Variants in ALK observed in about 807,000 individuals in gnomAD.
The protein encoded by ALK is ALK tyrosine kinase receptor.
Under a neutral mutation model 163.1 loss-of-function variants are expected in ALK, and 74 were observed. That is an observed-to-expected ratio of 0.45 (90% CI 0.38 to 0.55). The LOEUF is 0.55. Ranked by LOEUF, ALK falls within the 20% of genes least tolerant of loss-of-function variation. ALK has a pLI of 0.00. For missense variants in ALK, 2,063 were observed against 2,105.3 expected (o/e 0.98, Z 0.39); for synonymous variants, 960 against 843.2 (o/e 1.14, Z -2.40).
At chr2:29,411,976 T>G (rs756011136) in intron 4 of ALK, among the ~76,000 whole-genome samples, 1 of 152,204 alleles carries the variant, frequency 6.6e-6, no homozygotes, top group African/African-American at 2.4e-5. Context: ...CTTGATGCAG[T>G]CTTAGATGTT....
At chr2:29,348,627 C>T (rs146607642) in intron 5 of ALK, among the ~76,000 whole-genome samples, 1 of 152,270 alleles carries the variant, frequency 6.6e-6, no homozygotes, top group East Asian at 1.9e-4. Flanking sequence ...GCTCACAGCT[C>T]GTATGGTAAG....
intron 2 of ALK, among the ~76,000 whole-genome samples, chr2:29,708,588 G>A: frequency 6.6e-6 from 1 of 152,128 alleles, no homozygotes; most frequent in East Asian, 1.9e-4. Context: ...AACTCTGCTG[G>A]GCTGGAAACC....
At chr2:29,863,302 A>G (rs1157973016) in intron 1 of ALK, among the ~76,000 whole-genome samples, 1 of 152,236 alleles carries the variant, frequency 6.6e-6, no homozygotes, top group Non-Finnish European at 1.5e-5. Flanking sequence ...GCTTCTACAC[A>G]GTGAAAGAAA....
chr2:29,572,141 G>A (rs1249111114), intron 3 of ALK, among the ~76,000 whole-genome samples: 1 of 152,184 alleles, frequency 6.6e-6, no homozygotes, highest in Non-Finnish European at 1.5e-5. Flanking sequence ...GGCCTGTGTT[G>A]AGTATCATTT....
At chr2:29,678,383 CTT>C (rs1339453500) in intron 3 of ALK, among the ~76,000 whole-genome samples, 1 of 151,610 alleles carries the variant, frequency 6.6e-6, no homozygotes, top group African/African-American at 2.4e-5. Flanking sequence ...AAAATAAAAA[CTT>C]AGGTTATAGA....
intron 4 of ALK, among the ~76,000 whole-genome samples, chr2:29,439,766 T>C (rs1332983902): frequency 2.0e-5 from 3 of 151,300 alleles, no homozygotes; most frequent in Non-Finnish European, 2.9e-5. Flanking sequence ...GGGAGGGATG[T>C]GGCTGCAAGG....
At chr2:29,431,809 C>G (rs1166711956) in intron 4 of ALK, among the ~76,000 whole-genome samples, 1 of 152,078 alleles carries the variant, frequency 6.6e-6, no homozygotes. Flanking sequence ...AAAGGTTCCA[C>G]AAAACAAATA....
At chr2:29,223,601 C>T (rs1669871070) in intron 19 of ALK, 73 bp from the exon 20 acceptor site, 3 of 1,485,804 alleles carry the variant, frequency 2.0e-6, no homozygotes, top group South Asian at 2.3e-5. Flanking sequence ...CCACTTCCTA[C>T]AGGAAGCCTC....
At chr2:29,534,135 T>A (rs1490201532) in intron 3 of ALK, among the ~76,000 whole-genome samples, 1 of 151,682 alleles carries the variant, frequency 6.6e-6, no homozygotes, top group African/African-American at 2.4e-5. Context: ...ATTTCCAGCT[T>A]CATTTTGTGG....
At chr2:29,874,482 A>T (rs958589201) in intron 1 of ALK, among the ~76,000 whole-genome samples, 3 of 152,170 alleles carry the variant, frequency 2.0e-5, no homozygotes, top group African/African-American at 4.8e-5. Flanking sequence ...CTAGTGCTGG[A>T]ACCCTTACCT....
chr2:29,552,300 T>C (rs1673733740), intron 3 of ALK, among the ~76,000 whole-genome samples: 1 of 152,228 alleles, frequency 6.6e-6, no homozygotes, highest in Non-Finnish European at 1.5e-5. Context: ...TAAATGATAT[T>C]GCCATGAATG....
intron 2 of ALK, among the ~76,000 whole-genome samples, chr2:29,706,679 C>G (rs906113851): frequency 1.3e-5 from 2 of 152,144 alleles, no homozygotes; most frequent in African/African-American, 2.4e-5. Flanking sequence ...GTGGGAGATA[C>G]ACACGGAAAG....
chr2:29,583,111 T>G (rs2148200154), intron 3 of ALK, among the ~76,000 whole-genome samples: 2 of 149,862 alleles, frequency 1.3e-5, no homozygotes, highest in East Asian at 4.1e-4. Flanking sequence ...ACTCCTAACC[T>G]CAGGTGATCC....
At chr2:29,528,564 T>C (rs2148155253) in intron 4 of ALK, among the ~76,000 whole-genome samples, 1 of 152,274 alleles carries the variant, frequency 6.6e-6, no homozygotes, top group Admixed American at 6.5e-5. Context: ...GACTAGATGT[T>C]CCTTGAAAGC....
chr2:29,597,732 T>A (rs1032201222), intron 3 of ALK, among the ~76,000 whole-genome samples: 4 of 152,242 alleles, frequency 2.6e-5, no homozygotes, highest in African/African-American at 9.6e-5. Flanking sequence ...GCTGGAGTCA[T>A]GTTTAATTAA....
intron 4 of ALK, among the ~76,000 whole-genome samples, chr2:29,466,971 A>C (rs2148107759): frequency 6.6e-6 from 1 of 152,336 alleles, no homozygotes; most frequent in Admixed American, 6.5e-5. Context: ...ATGTGTGATC[A>C]GTATTTCTTC....
At chr2:29,473,540 A>T (rs1235504618) in intron 4 of ALK, among the ~76,000 whole-genome samples, 1 of 152,198 alleles carries the variant, frequency 6.6e-6, no homozygotes, top group African/African-American at 2.4e-5. Context: ...TAAAATCATT[A>T]AGAAAAATAC....
chr2:29,506,890 A>T (rs1672341911), intron 4 of ALK, among the ~76,000 whole-genome samples: 2 of 152,184 alleles, frequency 1.3e-5, no homozygotes, highest in South Asian at 4.1e-4. Flanking sequence ...ATCAGTGAGG[A>T]TGTAGAGACA....
intron 12 of ALK, among the ~76,000 whole-genome samples, chr2:29,242,568 A>G (rs894800327): frequency 1.3e-5 from 2 of 151,884 alleles, no homozygotes; most frequent in African/African-American, 4.8e-5. Flanking sequence ...CTATGTCTTG[A>G]CCTAGTTCTT....
Sources: allele counts gnomAD v4.1 joint callset (sites outside exome capture counted in the v4.1 genomes callset), GRCh38; gene constraint gnomAD v4.1.1; transcripts MANE v1.5; gene names NCBI Gene and HGNC (gene_info 2026-07-23, HGNC 2026-07-21).